The following GNPTAB variants were observed in gnomAD, a reference collection of about 807,000 sequenced individuals.
GNPTAB encodes N-acetylglucosamine-1-phosphotransferase subunits alpha/beta.
Under a neutral mutation model 136.6 loss-of-function variants are expected in GNPTAB, and 92 were observed. That is an observed-to-expected ratio of 0.67 (90% CI 0.57 to 0.80). The LOEUF is 0.80. GNPTAB is among the 30% of genes least tolerant of loss of function. The probability of loss-of-function intolerance (pLI) is 0.00; values close to 1 mark genes in which losing one functional copy is unlikely to be tolerated. For synonymous variants in GNPTAB, 512 were observed against 535.1 expected (o/e 0.96, Z 0.60); for missense variants, 1,343 against 1,501.8 (o/e 0.89, Z 1.75).
In GNPTAB at chr12:101,764,865, G is replaced by A. The variant is rs1953062185; in HGVS notation, c.2052C>T (p.Asn684=). The A allele has an allele frequency of 9.3e-6, 15 of 1,614,036 alleles. No individual in the cohort carries two copies. Among genetic ancestry groups the A allele is most frequent in the Non-Finnish European group, 1.3e-5 (15 of 1,180,046 alleles). The change falls in exon 13 of 21, where the codon AAC becomes AAT. Residue 684 remains asparagine (N), a synonymous_variant. Coordinates refer to ENST00000299314, the MANE Select transcript of GNPTAB (RefSeq NM_024312.5). Reference sequence around the variant, plus strand: ...CCTCTTCCTGGGCTCTCCTTGTTGAGTTAACATCATGTCTCTTAAACTTCG... The same window carrying A: ...CCTCTTCCTGGGCTCTCCTTGTTGAATTAACATCATGTCTCTTAAACTTCG... The part of the protein sequence containing the change: ...RFPKFKRHDV[N]STRRAQEEVK...
rs967239972 is a variant in GNPTAB at position 101,769,900 on chromosome 12, G to A, written c.1284+121C>T. 3 of 1,010,488 alleles carry A rather than the reference G, an allele frequency of 3.0e-6. No homozygotes were observed. The South Asian group carries it at 3.8e-5, about 13-fold the overall frequency. 62.6% of individuals were successfully genotyped at this position (1,010,488 alleles called of 1,614,324 possible). On this transcript the variant is annotated intron_variant, in intron 10 of 20. Coordinates refer to ENST00000299314, the MANE Select transcript of GNPTAB (RefSeq NM_024312.5). ...CCCACCTCCGCCTCCCAAAGTACTG[G>A]GATTACAGGTGTGAGCCACCATGTC...
intron 7 of GNPTAB, among the ~76,000 whole-genome samples, chr12:101,778,009 A>T (rs1033860948): frequency 6.6e-6 from 1 of 152,188 alleles, no homozygotes; most frequent in Non-Finnish European, 1.5e-5. Flanking sequence ...TGACTGGGAG[A>T]CTGAACTGTG....
intron 13 of GNPTAB, among the ~76,000 whole-genome samples, chr12:101,762,596 T>C (rs1389138348): frequency 6.6e-6 from 1 of 152,138 alleles, no homozygotes; most frequent in African/African-American, 2.4e-5. Context: ...AAAAGAATAA[T>C]GGCACTGGCA....
At chr12:101,778,624 G>A (rs929305776) in intron 7 of GNPTAB, 2 of 152,170 alleles carry the variant, frequency 1.3e-5, no homozygotes, top group African/African-American at 4.8e-5. Flanking sequence ...AAGTCATGAA[G>A]GGCAAGGAGC....
intron 15 of GNPTAB, 96 bp downstream of exon 15, chr12:101,761,031 C>G (rs1334161822): frequency 5.5e-6 from 5 of 912,268 alleles, no homozygotes; most frequent in Non-Finnish European, 8.7e-6. Context: ...CTCAGCATCC[C>G]AAAGTGCTGG....
At position 101,753,377 on chromosome 12, in the gene GNPTAB, C is replaced by T. The variant is rs766408752; in HGVS notation, c.3597G>A (p.Gln1199=). 2.8e-5 allele frequency: 45 copies of T among 1,613,210 alleles called. No individual in the cohort carries two copies. The highest frequency in any genetic ancestry group is 3.6e-5 in the Non-Finnish European group (42 of 1,179,300). ...TATAAAACATGAGAATTTACCATTCCTGCAGCTCATGCATATGAAGGAAAC... is the reference window on the plus strand; with the variant it reads ...TATAAAACATGAGAATTTACCATTCTTGCAGCTCATGCATATGAAGGAAAC... ...RNRFLHMHEL[Q]EWRAYRDKLK... Residue 1199 remains glutamine, a synonymous_variant, in exon 19 of 21, where the codon CAG becomes CAA. Coordinates refer to ENST00000299314, the MANE Select transcript of GNPTAB (RefSeq NM_024312.5).
rs3751249 is a variant in GNPTAB, at chr12:101,764,436, G to A, written c.2481C>T (p.Gly827=). 1.0e-3 allele frequency: 1,633 copies of A among 1,613,262 alleles called. 22 individuals are homozygous for A. In the East Asian group the frequency reaches 0.032, roughly 32 times the overall value. ...RVETHTQKTI[G]GNVTKEKPPS... ...GGGGCTTTTCTTTTGTCACATTTCC[G>A]CCTATGGTTTTTTGGGTGTGAGTTT... The change falls in exon 13 of 21, where the codon GGC becomes GGT. Residue 827 remains glycine, a synonymous_variant. Transcript: ENST00000299314.
At chr12:101,758,568 C>G (rs1275926404) in intron 16 of GNPTAB, among the ~76,000 whole-genome samples, 1 of 152,228 alleles carries the variant, frequency 6.6e-6, no homozygotes, top group Non-Finnish European at 1.5e-5. Flanking sequence ...CTCTATTTAT[C>G]TCAACTTTAT....
At chr12:101,751,357 A>G (rs1952816466) in intron 19 of GNPTAB, among the ~76,000 whole-genome samples, 1 of 152,154 alleles carries the variant, frequency 6.6e-6, no homozygotes. Flanking sequence ...CCCTCAATAT[A>G]CTGTATCACA....
Position 101,747,229 on chromosome 12 carries a change from T to A in GNPTAB, c.3706A>T (p.Lys1236Ter). The change falls in exon 21 of 21, where the codon AAG becomes TAG. Residue 1236 changes from lysine (K) to a stop codon, truncating the protein, a stop_gained. Transcript: ENST00000299314. LOFTEE classifies it high-confidence loss of function. ...SFFAEQLIAL[K>*]RKIFPRRRIH... ...CTCCTTCTGGGAAATATCTTCCGCT[T>A]AAGTGCAATTAACTAAATGATGAAA... The A allele has an allele frequency of 6.4e-7, 1 of 1,568,500 alleles. No individual in the cohort carries two copies. Among genetic ancestry groups the A allele is most frequent in the Non-Finnish European group, 8.8e-7 (1 of 1,138,428 alleles).
At chr12:101,794,553 T>C (rs1869174256) in intron 2 of GNPTAB, among the ~76,000 whole-genome samples, 1 of 152,068 alleles carries the variant, frequency 6.6e-6, no homozygotes, top group Non-Finnish European at 1.5e-5. Flanking sequence ...AATATATCAA[T>C]GTTATGGTAT....
chr12:101,757,704 T>G, intron 16 of GNPTAB, 47 bp from the exon 17 acceptor site: 1 of 890,114 alleles, frequency 1.1e-6, no homozygotes, highest in East Asian at 2.4e-5. Context: ...GAGCTGAAAC[T>G]AGGGCAATTT....
intron 19 of GNPTAB, among the ~76,000 whole-genome samples, chr12:101,752,222 G>C (rs1022616493): frequency 1.3e-5 from 2 of 152,110 alleles, no homozygotes; most frequent in Non-Finnish European, 2.9e-5. Flanking sequence ...CAAGGAGTTT[G>C]AGACCAGCCT....
At chr12:101,826,022 T>C (rs1871070372) in intron 1 of GNPTAB, among the ~76,000 whole-genome samples, 1 of 152,206 alleles carries the variant, frequency 6.6e-6, no homozygotes, top group Non-Finnish European at 1.5e-5. Context: ...CACTCAAATA[T>C]ATCTGTTTAA....
chr12:101,826,877 GCTA>G (rs1871108778), intron 1 of GNPTAB, among the ~76,000 whole-genome samples: 1 of 149,862 alleles, frequency 6.7e-6, no homozygotes, highest in Non-Finnish European at 1.5e-5. Flanking sequence ...CTGATTACCT[GCTA>G]CCTACAGTCC....
intron 1 of GNPTAB, among the ~76,000 whole-genome samples, chr12:101,797,954 C>A (rs568060799): frequency 6.6e-6 from 1 of 152,122 alleles, no homozygotes. Flanking sequence ...CATTGGCACG[C>A]AAACATGTTC....
In GNPTAB at chr12:101,766,097, C is replaced by A; in HGVS notation, c.1606G>T (p.Gly536Trp). The change falls in exon 12 of 21, where the codon GGG becomes TGG. Residue 536 changes from glycine to tryptophan, a missense_variant. Coordinates refer to ENST00000299314, the MANE Select transcript of GNPTAB (RefSeq NM_024312.5). ...TGTTTGGCAGTAAACATACCTTGCC[C>A]ACAGTCGCCAGCATCAAACCCACAG... is the stretch of plus-strand genomic sequence containing the variant. The part of the protein sequence containing the change: ...LSCGFDAGDC[G>W]QDHFHELYKV... 2 of 1,613,818 alleles carry A rather than the reference C, an allele frequency of 1.2e-6. No individual in the cohort carries two copies. The highest frequency in any genetic ancestry group is 1.1e-5 in the South Asian group (1 of 91,066).
In GNPTAB at chr12:101,757,561, G is replaced by C. The variant is rs191087950; in HGVS notation, c.3335+11C>G. ...TATACTAAACAAAGGGAGTATGCGT[G>C]TACTACTTACCTATATTTGTTTTTG... On this transcript the variant is annotated intron_variant, in intron 17 of 20. Transcript: ENST00000299314. 183 of 1,293,094 alleles carry C rather than the reference G, an allele frequency of 1.4e-4. 1 individual carries two copies. The East Asian group carries it at 3.9e-3, about 28-fold the overall frequency. The allele number at this position is 1,293,094 out of a possible 1,614,324, so 80.1% of individuals were successfully genotyped here.
intron 1 of GNPTAB, among the ~76,000 whole-genome samples, chr12:101,801,539 C>CAAAA (rs36066248): frequency 0.036 from 1,528 of 42,514 alleles, 171 homozygotes; most frequent in Middle Eastern, 0.062. Flanking sequence ...GACCCTGTCT[C>CAAAA]AAAAAAAAAA....
Sources: gnomAD v4.1 joint callset for allele counts (sites outside exome capture counted in the v4.1 genomes callset) on GRCh38, gnomAD v4.1.1 for gene constraint, MANE v1.5 for transcripts, NCBI Gene and HGNC (gene_info 2026-07-23, HGNC 2026-07-21) for gene names.